The following ZNF519 variants were observed in gnomAD, a reference collection of about 807,000 sequenced individuals.
ZNF519 encodes zinc finger protein 519.
ZNF519 carries 7 observed loss-of-function variants against 7.4 expected under a neutral mutation model. The ratio of observed to expected loss-of-function variants is 0.94; its 90% CI spans 0.54 to 1.77. The LOEUF is 1.77. Ranked by LOEUF, ZNF519 falls within the 40% of genes most tolerant of loss-of-function variation. The pLI is 0.00. For missense variants in ZNF519, 586 were observed against 623.1 expected (o/e 0.94, Z 0.63); for synonymous variants, 179 against 203.3 (o/e 0.88, Z 1.02).
chr18:14,086,434 T>C (rs543509919), intron 2 of ZNF519, among the ~76,000 whole-genome samples: 3 of 152,308 alleles, frequency 2.0e-5, no homozygotes, highest in East Asian at 3.9e-4. Flanking sequence ...GGGCATGATG[T>C]AGCATCATAG....
intron 2 of ZNF519, among the ~76,000 whole-genome samples, chr18:14,088,608 A>G (rs1207054727): frequency 6.6e-6 from 1 of 152,228 alleles, no homozygotes. Context: ...TCCATCCCTT[A>G]TCAAAGAAAA....
intron 2 of ZNF519, among the ~76,000 whole-genome samples, chr18:14,108,016 A>C (rs1372612043): frequency 6.6e-6 from 1 of 152,162 alleles, no homozygotes; most frequent in Admixed American, 6.5e-5. Context: ...ACTCTGAAGG[A>C]AAGGATACAA....
intron 3 of ZNF519, among the ~76,000 whole-genome samples, chr18:14,083,943 C>T (rs958698350): frequency 2.7e-4 from 41 of 152,180 alleles, no homozygotes; most frequent in African/African-American, 9.9e-4. Flanking sequence ...TCCCTCTAAC[C>T]CCACAGGACC....
Position 14,124,357 on chromosome 18 carries a change from G to A in ZNF519, c.123C>T (p.Val41=), listed in dbSNP as rs753099127. The A allele has an allele frequency of 4.4e-6, 7 of 1,603,564 alleles. No individual in the cohort carries two copies. Among genetic ancestry groups the A allele is most frequent in the Non-Finnish European group, 5.1e-6 (6 of 1,177,692 alleles). The change falls in exon 2 of 3, where the codon GTC becomes GTT. Residue 41 remains valine (V), a synonymous_variant. Transcript: ENST00000590202. ...TATTGAAGTTATTCTCACCCAGGGA[G>A]ACGAGGTTTCTGTAGTTCTCCAACA... ...DVMLENYRNL[V]SLAVYSYYNQ...
intron 3 of ZNF519, among the ~76,000 whole-genome samples, chr18:14,083,702 A>C (rs2046078676): frequency 6.6e-6 from 1 of 152,182 alleles, no homozygotes; most frequent in Non-Finnish European, 1.5e-5. Context: ...TGAGGCCAGG[A>C]GTTCAAAGCC....
chr18:14,108,342 GT>G (rs1318467059), intron 2 of ZNF519, among the ~76,000 whole-genome samples: 3 of 152,108 alleles, frequency 2.0e-5, no homozygotes, highest in Admixed American at 2.0e-4. Context: ...CTCTCTATTA[GT>G]TCTTTGAGAA....
chr18:14,086,717 T>C (rs116882065), intron 2 of ZNF519, among the ~76,000 whole-genome samples: 5,096 of 152,204 alleles, frequency 0.033, 160 homozygotes, highest in Admixed American at 0.092. Context: ...CCCGCTCTAG[T>C]CCTTCCAGGC....
chr18:14,100,392 T>G lies in ZNF519; in HGVS notation c.*4525A>C, dbSNP rs1035458066. On this transcript the variant is annotated 3_prime_UTR_variant, in exon 3 of 3. Coordinates refer to ENST00000590202, the MANE Select transcript of ZNF519 (RefSeq NM_145287.4). ...ATGTACATAGCACTTTTATTCATAA[T>G]AGCCACACACTGACTGAAAACAACA... 3 of 152,218 alleles carry G rather than the reference T, an allele frequency of 2.0e-5. No individual in the cohort carries two copies. Among genetic ancestry groups the G allele is most frequent in the African/African-American group, 7.2e-5 (3 of 41,450 alleles). 9.4% of individuals were successfully genotyped at this position (152,218 alleles called of 1,614,324 possible).
chr18:14,117,221 A>G (rs1426158324), intron 2 of ZNF519, among the ~76,000 whole-genome samples: 1 of 152,228 alleles, frequency 6.6e-6, no homozygotes, highest in African/African-American at 2.4e-5. Context: ...CAGAATATAT[A>G]AACTTTGAAA....
At chr18:14,082,463 C>T (rs531394035) in intron 3 of ZNF519, 1 of 152,184 alleles carries the variant, frequency 6.6e-6, no homozygotes, top group East Asian at 1.9e-4. Flanking sequence ...TGGATTTTTA[C>T]GAGAGTTTCC....
At chr18:14,116,559 G>A (rs572197230) in intron 2 of ZNF519, among the ~76,000 whole-genome samples, 26 of 152,266 alleles carry the variant, frequency 1.7e-4, no homozygotes, top group Non-Finnish European at 2.6e-4. Flanking sequence ...ACATATTAAG[G>A]AAAAGATAGT....
At chr18:14,130,113 C>T (rs1190711496) in intron 1 of ZNF519, among the ~76,000 whole-genome samples, 1 of 151,818 alleles carries the variant, frequency 6.6e-6, no homozygotes, top group Non-Finnish European at 1.5e-5. Context: ...TTTTCTAAAC[C>T]TATCACAGAG....
chr18:14,087,870 T>G (rs113197347), intron 2 of ZNF519, among the ~76,000 whole-genome samples: 1 of 152,134 alleles, frequency 6.6e-6, no homozygotes, highest in Non-Finnish European at 1.5e-5. Flanking sequence ...AAAAAGGATC[T>G]GGGAGGTGAG....
At chr18:14,096,183 A>G (rs2046135770), downstream of ZNF519, among the ~76,000 whole-genome samples, 2 of 152,098 alleles carry the variant, frequency 1.3e-5, no homozygotes, top group South Asian at 2.1e-4. Context: ...TGTACTTCCC[A>G]CTTCTTTCCC....
At chr18:14,121,778 G>A (rs1298089352) in intron 2 of ZNF519, 1 of 152,022 alleles carries the variant, frequency 6.6e-6, no homozygotes, top group African/African-American at 2.4e-5. Context: ...TATACATATA[G>A]ATATATCTCA....
At chr18:14,094,898 C>T (rs72879710) in intron 2 of ZNF519, among the ~76,000 whole-genome samples, 26,207 of 152,078 alleles carry the variant, frequency 0.17, 2,782 homozygotes, top group Middle Eastern at 0.23. Flanking sequence ...CATCTTAAAA[C>T]ATTATTTCAA....
At chr18:14,090,201 T>C (rs1299124191) in intron 2 of ZNF519, 1 of 152,182 alleles carries the variant, frequency 6.6e-6, no homozygotes, top group African/African-American at 2.4e-5. Context: ...GCGGAATCAC[T>C]AGCTACACAG....
chr18:14,075,307 T>A (rs1379943999), downstream of ZNF519: 1 of 152,248 alleles, frequency 6.6e-6, no homozygotes, highest in Non-Finnish European at 1.5e-5. Context: ...CACTTGCCAG[T>A]CACGTGCGGT....
intron 2 of ZNF519, among the ~76,000 whole-genome samples, chr18:14,117,767 C>T (rs1395547341): frequency 1.3e-5 from 2 of 152,056 alleles, no homozygotes; most frequent in Non-Finnish European, 2.9e-5. Context: ...AGGAGCAAGA[C>T]AGAGTGAGGG....
Sources: gnomAD v4.1 joint callset for allele counts (sites outside exome capture counted in the v4.1 genomes callset) on GRCh38, gnomAD v4.1.1 for gene constraint, MANE v1.5 for transcripts, NCBI Gene and HGNC (gene_info 2026-07-23, HGNC 2026-07-21) for gene names.